The following MSH5 variants were observed in gnomAD, a reference collection of about 807,000 sequenced individuals.
The protein encoded by MSH5 is mutS homolog 5, also known as mutS protein homolog 5.
A neutral mutation model predicts 107.7 loss-of-function variants in MSH5; 78 were observed. The ratio of observed to expected loss-of-function variants is 0.72; its 90% CI spans 0.60 to 0.87. MSH5 has a LOEUF of 0.87. MSH5 is among the 40% of genes least tolerant of loss of function. The probability of loss-of-function intolerance (pLI) is 0.00; values close to 1 mark genes in which losing one functional copy is unlikely to be tolerated. For missense variants in MSH5, 889 were observed against 1,046.6 expected (o/e 0.85, Z 2.08); for synonymous variants, 326 against 399.5 (o/e 0.82, Z 2.19).
chr6:31,750,834 T>A (rs1809886439), intron 10 of MSH5, among the ~76,000 whole-genome samples: 1 of 152,156 alleles, frequency 6.6e-6, no homozygotes. Flanking sequence ...TGTGCACATG[T>A]TGGCTCTTAT....
chr6:31,742,809 GC>G, intron 3 of MSH5, 67 bp from the exon 4 acceptor site: 1 of 1,465,654 alleles, frequency 6.8e-7, no homozygotes. Flanking sequence ...GAAGAGGAGG[GC>G]TATGGGTTTT....
chr6:31,760,137 C>T lies in MSH5; in HGVS notation c.1733C>T (p.Thr578Ile). 6.2e-7 allele frequency: 1 copy of T among 1,610,900 alleles called. No individual in the cohort carries two copies. ...GCCCGAACCTTTGTGCCCAACTCCA[C>T]AGAATGTGGTGGGGACAAAGGGAGG... ...LCARTFVPNSTECGGDKGRVK... is the reference protein window; with the variant it reads ...LCARTFVPNSIECGGDKGRVK... The change falls in exon 19 of 25, where the codon ACA becomes ATA. Residue 578 changes from threonine to isoleucine, a missense_variant. Thr to Ile is a moderately conservative substitution (Grantham distance 89). Transcript: ENST00000375750. The surrounding 1 kb of genome is among the most constrained non-coding windows in gnomAD (Gnocchi z 5.6).
In MSH5 at chr6:31,741,377, ACACACAT is replaced by A. The variant is rs1658792749; in HGVS notation, c.271+92_271+98del. On this transcript the variant is annotated intron_variant, in intron 3 of 24. Transcript: ENST00000375750. ...CACACACACACACACACACACACAC[ACACACAT>A]ATTTTTTTTTTCTAGACAGAGTCTT... The A allele has an allele frequency of 3.3e-6, 3 of 899,374 alleles. No individual in the cohort carries two copies. In the Admixed American group the frequency reaches 8.4e-5, roughly 25 times the overall value. The allele number at this position is 899,374 out of a possible 1,614,324, so 55.7% of individuals were successfully genotyped here.
intron 3 of MSH5, 97 bp downstream of exon 3, chr6:31,741,383 A>ACACC: frequency 1.0e-6 from 1 of 982,826 alleles, no homozygotes; most frequent in Non-Finnish European, 1.4e-6. Context: ...ACACACACAC[A>ACACC]TATTTTTTTT....
At position 31,759,178 on chromosome 6, in the gene MSH5, G is replaced by T. The variant is rs1810738650; in HGVS notation, c.1407+1G>T. ...TGAGATTAATGGACTGGACTTCATG[G>T]TAAGACCCTCAACCTCTGTAAGGTG... On this transcript the variant is annotated splice_donor_variant, in intron 16 of 24. Transcript: ENST00000375750. LOFTEE classifies it high-confidence loss of function. This position sits in a 1 kb window ranked among gnomAD's most constrained non-coding sequence, Gnocchi z 4.7. The T allele has an allele frequency of 6.2e-7, 1 of 1,612,206 alleles. No homozygotes were observed. Among genetic ancestry groups the T allele is most frequent in the South Asian group, 1.1e-5 (1 of 91,082 alleles).
In MSH5 at chr6:31,744,296, T is replaced by C. The variant is rs370701049; in HGVS notation, c.644T>C (p.Met215Thr). Residue 215 changes from methionine (M) to threonine (T), a missense_variant, in exon 7 of 25, where the codon ATG becomes ACG. Transcript: ENST00000375750. ...CCCATCCTGGGCTTTAAGAAATTTA[T>C]GTTGTAGGTGATTCACCCCAACCCC... ...SVPILGFKKF[M>T]LTHLVNIDQD... 6 of 1,614,012 alleles carry C rather than the reference T, an allele frequency of 3.7e-6. No individual in the cohort carries two copies. The highest frequency in any genetic ancestry group is 5.1e-6 in the Non-Finnish European group (6 of 1,180,034).
Position 31,761,089 on chromosome 6 carries a change from A to C in MSH5, c.1963-99A>C. 1 of 1,197,404 alleles carries C rather than the reference A, an allele frequency of 8.4e-7. No homozygotes were observed. Among genetic ancestry groups the C allele is most frequent in the Non-Finnish European group, 1.2e-6 (1 of 830,208 alleles). 74.2% of individuals were successfully genotyped at this position (1,197,404 alleles called of 1,614,324 possible). A position where few individuals can be genotyped will look rare whatever the true frequency, so the allele number is the denominator to read the frequency against. On this transcript the variant is annotated intron_variant, in intron 20 of 24. Transcript: ENST00000375750. The surrounding 1 kb of genome is among the most constrained non-coding windows in gnomAD (Gnocchi z 5.3). ...ACCATTCAAGAACTTGCAGTGCAGT[A>C]GGGAGGGCATGTATACAGCTTTATT... is the stretch of plus-strand genomic sequence containing the variant.
Position 31,760,364 on chromosome 6 carries a change from C to T in MSH5, c.1812+148C>T. The T allele has an allele frequency of 8.5e-7, 1 of 1,182,244 alleles. No homozygotes were observed. Among genetic ancestry groups the T allele is most frequent in the Non-Finnish European group, 1.2e-6 (1 of 856,426 alleles). The allele number at this position is 1,182,244 out of a possible 1,614,324, so 73.2% of individuals were successfully genotyped here. A position where few individuals can be genotyped will look rare whatever the true frequency, so the allele number is the denominator to read the frequency against. On this transcript the variant is annotated intron_variant, in intron 19 of 24. Transcript: ENST00000375750. This position sits in a 1 kb window ranked among gnomAD's most constrained non-coding sequence, Gnocchi z 5.6. ...GACCATCACCCACATCCCTGTGCTTCCACCTCACATGTTCTTATTCTCCAC... is the reference window on the plus strand; with the variant it reads ...GACCATCACCCACATCCCTGTGCTTTCACCTCACATGTTCTTATTCTCCAC...
chr6:31,744,593 G>C lies in MSH5; in HGVS notation c.683+12G>C. 6.2e-7 allele frequency: 1 copy of C among 1,613,114 alleles called. No individual in the cohort carries two copies. The highest frequency in any genetic ancestry group is 8.5e-7 in the Non-Finnish European group (1 of 1,179,960). ...CAAGACACTTACAGGTAAAGAGGTG[G>C]AGGCATGCTGCTGTCTCTGGGGAGG... On this transcript the variant is annotated intron_variant, in intron 8 of 24. Transcript: ENST00000375750.
In MSH5 at chr6:31,762,581, A is replaced by G. The variant is rs376446721; in HGVS notation, c.*50A>G. Reference sequence around the variant, plus strand: ...CCTCCTGAGACTCCGGTGGGCTGCCATGCCCTCTTTGTTTCCTTATCTCCC... The same window carrying G: ...CCTCCTGAGACTCCGGTGGGCTGCCGTGCCCTCTTTGTTTCCTTATCTCCC... On this transcript the variant is annotated 3_prime_UTR_variant, in exon 25 of 25. Transcript: ENST00000375750. The G allele has an allele frequency of 2.3e-5, 27 of 1,191,448 alleles. 1 individual carries two copies. The highest frequency in any genetic ancestry group is 3.0e-5 in the African/African-American group (2 of 65,788). The allele number at this position is 1,191,448 out of a possible 1,614,324, so 73.8% of individuals were successfully genotyped here.
intron 10 of MSH5, among the ~76,000 whole-genome samples, chr6:31,747,997 C>T (rs558531224): frequency 2.1e-4 from 13 of 62,638 alleles, no homozygotes; most frequent in African/African-American, 9.2e-4. Context: ...AGTGAGACTC[C>T]GTCTCAAAAA....
intron 12 of MSH5, 78 bp downstream of exon 12, chr6:31,753,707 C>A: frequency 7.8e-6 from 10 of 1,288,070 alleles, no homozygotes; most frequent in South Asian, 1.2e-5. Context: ...GTACCCTAGA[C>A]ATGCTGTCCA....
At chr6:31,762,018 TG>T (rs1194207185) in intron 23 of MSH5, 63 bp downstream of exon 23, 2 of 1,612,794 alleles carry the variant, frequency 1.2e-6, no homozygotes, top group African/African-American at 2.7e-5. Context: ...CTAGTCCTAC[TG>T]GGCCTGGGTC....
Position 31,759,512 on chromosome 6 carries a change from G to A in MSH5, c.1495G>A (p.Asp499Asn), listed in dbSNP as rs375240305. 1 of 1,612,358 alleles carries A rather than the reference G, an allele frequency of 6.2e-7. No homozygotes were observed. The highest frequency in any genetic ancestry group is 8.5e-7 in the Non-Finnish European group (1 of 1,180,024). The change falls in exon 17 of 25, where the codon GAC (aspartate) becomes AAC (asparagine). Residue 499 changes from aspartate (D) to asparagine (N), a missense_variant and splice_region_variant. Asp to Asn is a conservative substitution (Grantham distance 23). Transcript: ENST00000375750. The surrounding 1 kb of genome is among the most constrained non-coding windows in gnomAD (Gnocchi z 4.7). ...GGGGGACCTGCACTGCGAGATCCGG[G>A]GTGAGGAAAAGCCAGAGGTTATATG... ...LLGDLHCEIR[D>N]QETLLMYQLQ...
Position 31,753,401 on chromosome 6 carries a change from A to T in MSH5, c.913A>T (p.Met305Leu). The T allele has an allele frequency of 6.2e-7, 1 of 1,614,176 alleles. No homozygotes were observed. Among genetic ancestry groups the T allele is most frequent in the Non-Finnish European group, 8.5e-7 (1 of 1,180,024 alleles). ...LLPQNLDMAQ[M>L]LHRLLGHIKN... ...GCCCCAGAATCTGGACATGGCTCAG[A>T]TGCTGCATCGGCTCCTGGGTCACAT... Residue 305 changes from methionine (M) to leucine (L), a missense_variant, in exon 11 of 25, where the codon ATG becomes TTG. Met to Leu is a conservative substitution (Grantham distance 15). This residue lies in a region of MSH5 where 518 missense variants were observed against 565.0 expected (regional missense o/e 0.92). Transcript: ENST00000375750.
intron 8 of MSH5, among the ~76,000 whole-genome samples, 168 bp from the exon 9 acceptor site, chr6:31,745,069 A>G (rs904379479): frequency 2.9e-5 from 4 of 140,136 alleles, no homozygotes; most frequent in Non-Finnish European, 6.0e-5. Context: ...GCACCACTGC[A>G]CTCCAGCCTG....
At chr6:31,741,925 G>A (rs1808952475) in intron 3 of MSH5, among the ~76,000 whole-genome samples, 1 of 152,026 alleles carries the variant, frequency 6.6e-6, no homozygotes, top group Non-Finnish European at 1.5e-5. Flanking sequence ...CAAGGGGGAG[G>A]GAGATGCCAG....
chr6:31,741,257 A>T lies in MSH5; in HGVS notation c.242A>T (p.Asp81Val), dbSNP rs1808849729. Residue 81 changes from aspartate to valine, a missense_variant, in exon 3 of 25, where the codon GAC (aspartate) becomes GTC (valine). This residue lies in a region of MSH5 where 518 missense variants were observed against 565.0 expected (regional missense o/e 0.92). Coordinates refer to ENST00000375750, the MANE Select transcript of MSH5 (RefSeq NM_172166.4). ...ATCCACTTCATGCCAGATGCCCCAG[A>T]CCACGAGAGCCTCAAGCTTCTCCAG... Reference protein sequence around the residue: ...STIHFMPDAPDHESLKLLQRV... With the variant: ...STIHFMPDAPVHESLKLLQRV... 2 of 1,612,630 alleles carry T rather than the reference A, an allele frequency of 1.2e-6. No homozygotes were observed. Among genetic ancestry groups the T allele is most frequent in the African/African-American group, 1.3e-5 (1 of 74,816 alleles).
In MSH5 at chr6:31,760,562, G is replaced by T. The variant is rs1055210910; in HGVS notation, c.1813-128G>T. 1.6e-6 allele frequency: 2 copies of T among 1,238,682 alleles called. No homozygotes were observed. The highest frequency in any genetic ancestry group is 2.3e-5 in the East Asian group (1 of 42,946). The allele number at this position is 1,238,682 out of a possible 1,614,324, so 76.7% of individuals were successfully genotyped here. On this transcript the variant is annotated intron_variant, in intron 19 of 24. Coordinates refer to ENST00000375750, the MANE Select transcript of MSH5 (RefSeq NM_172166.4). This position sits in a 1 kb window ranked among gnomAD's most constrained non-coding sequence, Gnocchi z 5.6. ...TTCGGGGAGGAGAGACAGAGTCAGTGTGTCTGTTACCTATTTCTCCTGTTT... is the reference window on the plus strand; with the variant it reads ...TTCGGGGAGGAGAGACAGAGTCAGTTTGTCTGTTACCTATTTCTCCTGTTT...
Sources: allele counts gnomAD v4.1 joint callset (sites outside exome capture counted in the v4.1 genomes callset), GRCh38; gene constraint gnomAD v4.1.1; regional missense constraint gnomAD v4.1.1; non-coding constraint Gnocchi (gnomAD v3.1); transcripts MANE v1.5; gene names NCBI Gene and HGNC (gene_info 2026-07-23, HGNC 2026-07-21).